Variants in ERBB4 observed in about 807,000 individuals in gnomAD.
The protein encoded by ERBB4 is receptor tyrosine-protein kinase erbB-4.
In ERBB4, 42 loss-of-function variants were observed where a neutral mutation model predicts 158.0. That is an observed-to-expected ratio of 0.27 (90% CI 0.21 to 0.34). The LOEUF (loss-of-function observed/expected upper bound fraction) is 0.34, where lower values mean the gene tolerates loss of function less well. ERBB4 is among the 10% of genes least tolerant of loss of function. The pLI, the probability that ERBB4 is intolerant of heterozygous loss-of-function variation, is 1.00. For missense variants in ERBB4, 1,333 were observed against 1,624.1 expected (o/e 0.82, Z 3.08); for synonymous variants, 583 against 558.7 (o/e 1.04, Z -0.61).
At chr2:212,225,550 G>T (rs1435190241) in intron 1 of ERBB4, among the ~76,000 whole-genome samples, 1 of 151,690 alleles carries the variant, frequency 6.6e-6, no homozygotes, top group African/African-American at 2.4e-5. Flanking sequence ...TTGTCATTCG[G>T]CATGAGAATA....
intron 1 of ERBB4, among the ~76,000 whole-genome samples, chr2:212,253,266 A>C (rs1321127200): frequency 6.6e-6 from 1 of 152,146 alleles, no homozygotes; most frequent in East Asian, 1.9e-4. Flanking sequence ...TTAACAAAGC[A>C]ATAAAAGTGA....
intron 1 of ERBB4, among the ~76,000 whole-genome samples, chr2:212,141,324 A>G (rs1050565938): frequency 6.6e-5 from 10 of 152,166 alleles, no homozygotes; most frequent in Middle Eastern, 3.4e-3. Flanking sequence ...AGTACCAACC[A>G]TTTTATTAAT....
intron 2 of ERBB4, among the ~76,000 whole-genome samples, chr2:212,027,942 C>A (rs927370464): frequency 6.6e-6 from 1 of 152,116 alleles, no homozygotes; most frequent in East Asian, 1.9e-4. Flanking sequence ...AGAGATTCAA[C>A]GTACAACTCA....
intron 1 of ERBB4, among the ~76,000 whole-genome samples, chr2:212,448,420 T>C (rs1303744060): frequency 6.6e-6 from 1 of 152,192 alleles, no homozygotes; most frequent in Non-Finnish European, 1.5e-5. Flanking sequence ...TGTTACAGAA[T>C]ACCACCATTT....
chr2:211,851,478 C>T (rs2077720076), intron 3 of ERBB4, among the ~76,000 whole-genome samples: 1 of 151,924 alleles, frequency 6.6e-6, no homozygotes, highest in Admixed American at 6.6e-5. Flanking sequence ...ATCTTTAATA[C>T]ACTAGAGTTT....
chr2:212,406,802 GA>G (rs1352068464), intron 1 of ERBB4, among the ~76,000 whole-genome samples: 1 of 151,952 alleles, frequency 6.6e-6, no homozygotes, highest in Non-Finnish European at 1.5e-5. Flanking sequence ...TTACCATCAA[GA>G]AAAAGCCCAA....
At chr2:212,127,469 G>A (rs2125577762) in intron 1 of ERBB4, among the ~76,000 whole-genome samples, 1 of 152,220 alleles carries the variant, frequency 6.6e-6, no homozygotes, top group Admixed American at 6.5e-5. Context: ...GCGGGTGCCT[G>A]TAGTCCCAGC....
intron 4 of ERBB4, among the ~76,000 whole-genome samples, chr2:211,760,776 A>G (rs1029128321): frequency 2.0e-5 from 3 of 152,248 alleles, no homozygotes; most frequent in African/African-American, 7.2e-5. Context: ...AACATCATCA[A>G]CCTCACCACA....
At chr2:212,012,477 C>T (rs536036437) in intron 2 of ERBB4, among the ~76,000 whole-genome samples, 5 of 145,442 alleles carry the variant, frequency 3.4e-5, no homozygotes, top group African/African-American at 5.2e-5. Flanking sequence ...AGTGCGGTGG[C>T]GCAATCTCAG....
chr2:211,568,449 C>A (rs931960051), intron 19 of ERBB4, among the ~76,000 whole-genome samples: 2 of 152,240 alleles, frequency 1.3e-5, no homozygotes, highest in East Asian at 1.9e-4. Context: ...TTTTGCACAA[C>A]CACCAGATAT....
At chr2:211,752,368 C>A (rs1486804467) in intron 4 of ERBB4, among the ~76,000 whole-genome samples, 3 of 151,106 alleles carry the variant, frequency 2.0e-5, no homozygotes, top group Non-Finnish European at 4.4e-5. Flanking sequence ...ATTAAGTGGT[C>A]TGTTAATTGA....
intron 1 of ERBB4, among the ~76,000 whole-genome samples, chr2:212,349,341 C>A (rs544350673): frequency 6.7e-6 from 1 of 150,176 alleles, no homozygotes; most frequent in South Asian, 2.1e-4. Context: ...TGTTTGACAG[C>A]CCTGCTGTGA....
At chr2:211,942,467 C>T (rs918414534) in intron 3 of ERBB4, among the ~76,000 whole-genome samples, 4 of 151,936 alleles carry the variant, frequency 2.6e-5, no homozygotes, top group African/African-American at 9.7e-5. Flanking sequence ...AGAGATCCTC[C>T]TGCTTCAGCT....
chr2:212,460,493 G>A lies in ERBB4; in HGVS notation c.82+77956C>T, dbSNP rs551609349. On this transcript the variant is annotated intron_variant, in intron 1 of 27. Coordinates refer to ENST00000342788, the MANE Select transcript of ERBB4 (RefSeq NM_005235.3). ...CTGAGGTGGTCTCAGATGGAGATGA[G>A]GAACTTCTTGGGAACTGGAGCCAAG... is the stretch of plus-strand genomic sequence containing the variant. Among the ~76,000 whole-genome samples the A allele has an allele frequency of 3.9e-5, 6 of 152,278 alleles. No individual in the cohort carries two copies. The East Asian group carries it at 1.2e-3, about 29-fold the overall frequency.
At chr2:212,247,600 T>C (rs2084358890) in intron 1 of ERBB4, among the ~76,000 whole-genome samples, 1 of 152,222 alleles carries the variant, frequency 6.6e-6, no homozygotes, top group Non-Finnish European at 1.5e-5. Context: ...TTTGCTTGTC[T>C]AGAAAGCAAT....
At chr2:211,391,280 G>T (rs1252814622) in intron 25 of ERBB4, among the ~76,000 whole-genome samples, 1 of 152,154 alleles carries the variant, frequency 6.6e-6, no homozygotes, top group Non-Finnish European at 1.5e-5. Context: ...TAAAAATTAA[G>T]ATCCTCACAG....
At chr2:212,444,145 G>A (rs1331572585) in intron 1 of ERBB4, among the ~76,000 whole-genome samples, 1 of 152,144 alleles carries the variant, frequency 6.6e-6, no homozygotes, top group Non-Finnish European at 1.5e-5. Flanking sequence ...GCTTCATGGT[G>A]AGTTCCCTAT....
intron 3 of ERBB4, among the ~76,000 whole-genome samples, chr2:211,788,920 G>C (rs904312410): frequency 1.3e-5 from 2 of 152,054 alleles, no homozygotes; most frequent in African/African-American, 4.8e-5. Context: ...CTGAAGTAAG[G>C]ATACGGCTGT....
chr2:212,368,785 C>T (rs76006196), intron 1 of ERBB4, among the ~76,000 whole-genome samples: 2 of 152,094 alleles, frequency 1.3e-5, no homozygotes, highest in African/African-American at 2.4e-5. Context: ...TAATCATAAC[C>T]AATCAGTGGG....
Sources: gnomAD v4.1 joint callset for allele counts (sites outside exome capture counted in the v4.1 genomes callset) on GRCh38, gnomAD v4.1.1 for gene constraint, MANE v1.5 for transcripts, NCBI Gene and HGNC (gene_info 2026-07-23, HGNC 2026-07-21) for gene names.